The following ATG2B variants were observed in gnomAD, a reference collection of about 807,000 sequenced individuals.
The protein encoded by ATG2B is autophagy related 2B.
Under a neutral mutation model 241.3 loss-of-function variants are expected in ATG2B, and 121 were observed. The observed-to-expected ratio is 0.50, with a 90% CI of 0.43 to 0.58. The LOEUF (loss-of-function observed/expected upper bound fraction) is 0.58. Among genes scored for constraint, ATG2B ranks in the 20% least tolerant of loss-of-function variants. ATG2B has a pLI of 0.00. For synonymous variants in ATG2B, 858 were observed against 876.6 expected (o/e 0.98, Z 0.37); for missense variants, 2,306 against 2,491.6 (o/e 0.93, Z 1.59).
chr14:96,306,534 T>C (rs567266196), intron 30 of ATG2B, among the ~76,000 whole-genome samples, 180 bp downstream of exon 30: 162 of 151,880 alleles, frequency 1.1e-3, no homozygotes, highest in African/African-American at 3.7e-3. Context: ...TCTGAGTCTT[T>C]AGATGTGTCA....
At chr14:96,292,157 G>A in intron 36 of ATG2B, 59 bp from the exon 37 acceptor site, 3 of 1,063,642 alleles carry the variant, frequency 2.8e-6, no homozygotes, top group South Asian at 3.0e-5. Context: ...GGTGAAATTA[G>A]ATATAAATTA....
intron 33 of ATG2B, among the ~76,000 whole-genome samples, chr14:96,302,652 AAC>A (rs1389929231): frequency 6.6e-6 from 1 of 152,192 alleles, no homozygotes; most frequent in Non-Finnish European, 1.5e-5. Flanking sequence ...TGTACTTAGT[AAC>A]AGTTTACTGA....
In ATG2B at chr14:96,344,769, AGTAATTGTCAACGTAAGAGAC is replaced by A; in HGVS notation, c.479-34_479-14del. 6 of 1,332,048 alleles carry A rather than the reference AGTAATTGTCAACGTAAGAGAC, an allele frequency of 4.5e-6. No homozygotes were observed. The highest frequency in any genetic ancestry group is 6.3e-6 in the Non-Finnish European group (6 of 955,572). The allele number at this position is 1,332,048 out of a possible 1,614,324, so 82.5% of individuals were successfully genotyped here. ...ACTCTTCTTAGTACTAAAGTAAACA[AGTAATTGTCAACGTAAGAGAC>A]CACATATATGCTAAATAAAAACCTC... On this transcript the variant is annotated splice_polypyrimidine_tract_variant and intron_variant, in intron 3 of 41. Transcript: ENST00000359933.
At chr14:96,295,694 C>T (rs894561527) in intron 34 of ATG2B, 134 bp from the exon 35 acceptor site, 8 of 513,874 alleles carry the variant, frequency 1.6e-5, no homozygotes, top group African/African-American at 1.0e-4. Context: ...AATTCTTTCT[C>T]CATGCTAGTC....
intron 1 of ATG2B, among the ~76,000 whole-genome samples, chr14:96,351,149 A>G (rs1888307742): frequency 6.6e-6 from 1 of 152,212 alleles, no homozygotes; most frequent in Non-Finnish European, 1.5e-5. Flanking sequence ...TAACATCAGT[A>G]TTTCTCAAGC....
rs143085538 is a variant in ATG2B, at chr14:96,323,766, C to T, written c.2540+130G>A. On this transcript the variant is annotated intron_variant, in intron 16 of 41. Coordinates refer to ENST00000359933, the MANE Select transcript of ATG2B (RefSeq NM_018036.7). Reference sequence around the variant, plus strand: ...CATTCATGTGAACACCCAATCATCACGCTTATGAACCACAAAAGAATCAAG... The same window carrying T: ...CATTCATGTGAACACCCAATCATCATGCTTATGAACCACAAAAGAATCAAG... The T allele has an allele frequency of 8.0e-5, 56 of 697,092 alleles. 1 individual carries two copies. The East Asian group carries it at 1.2e-3, about 15-fold the overall frequency. 43.2% of individuals were successfully genotyped at this position (697,092 alleles called of 1,614,324 possible). A position where few individuals can be genotyped will look rare whatever the true frequency, so the allele number is the denominator to read the frequency against.
At chr14:96,326,215 C>T (rs559557763) in intron 14 of ATG2B, among the ~76,000 whole-genome samples, 2 of 152,260 alleles carry the variant, frequency 1.3e-5, no homozygotes, top group African/African-American at 4.8e-5. Flanking sequence ...ATTTATCTTA[C>T]TATAAATTTA....
intron 1 of ATG2B, among the ~76,000 whole-genome samples, chr14:96,357,307 CT>C (rs891377546): frequency 1.3e-5 from 2 of 152,092 alleles, no homozygotes; most frequent in African/African-American, 4.8e-5. Context: ...CATCTTCGGC[CT>C]TTTTTGTTTC....
At chr14:96,329,678 G>T (rs777343100) in intron 11 of ATG2B, 44 bp from the exon 12 acceptor site, 1 of 1,320,568 alleles carries the variant, frequency 7.6e-7, no homozygotes, top group African/African-American at 1.5e-5. Context: ...GTGTTAAAAT[G>T]TAACAATTAT....
intron 18 of ATG2B, among the ~76,000 whole-genome samples, chr14:96,321,307 A>G (rs1193113462): frequency 2.0e-5 from 3 of 152,228 alleles, no homozygotes; most frequent in Non-Finnish European, 2.9e-5. Flanking sequence ...GTCTACATGT[A>G]GGAAGCTAGT....
chr14:96,356,596 A>G (rs955479602), intron 1 of ATG2B, among the ~76,000 whole-genome samples: 5 of 152,114 alleles, frequency 3.3e-5, no homozygotes, highest in African/African-American at 1.2e-4. Context: ...CAAGGATCAC[A>G]TGTATCAGAA....
intron 6 of ATG2B, among the ~76,000 whole-genome samples, chr14:96,340,110 GATATATATGAATATATATATCATATA>G (rs1887980594): frequency 4.5e-5 from 1 of 22,232 alleles, no homozygotes; most frequent in Non-Finnish European, 8.3e-5. Flanking sequence ...TAGAATATAT[GATATATATGAATATATATATCATATA>G]TGATATATAT....
At chr14:96,330,946 A>AC (rs1403550311) in intron 11 of ATG2B, among the ~76,000 whole-genome samples, 1 of 152,106 alleles carries the variant, frequency 6.6e-6, no homozygotes, top group African/African-American at 2.4e-5. Flanking sequence ...AATGTTTCCC[A>AC]CCCCATGGCC....
At chr14:96,337,665 G>A (rs1204095968) in intron 6 of ATG2B, among the ~76,000 whole-genome samples, 1 of 152,154 alleles carries the variant, frequency 6.6e-6, no homozygotes, top group African/African-American at 2.4e-5. Context: ...GTACCATACT[G>A]TTTTGCTAAC....
At chr14:96,350,292 T>C (rs1181056198) in intron 1 of ATG2B, among the ~76,000 whole-genome samples, 1 of 151,724 alleles carries the variant, frequency 6.6e-6, no homozygotes, top group Non-Finnish European at 1.5e-5. Flanking sequence ...AAGAAAAGGG[T>C]TATGAAAGAG....
At chr14:96,361,641 C>T (rs1360568609) in intron 1 of ATG2B, among the ~76,000 whole-genome samples, 2 of 152,060 alleles carry the variant, frequency 1.3e-5, no homozygotes, top group African/African-American at 2.4e-5. Flanking sequence ...AGTGTGTGCT[C>T]CATTAGTGTT....
Position 96,289,728 on chromosome 14 carries a change from A to C in ATG2B, c.5934T>G (p.Pro1978=). The C allele has an allele frequency of 6.2e-7, 1 of 1,614,190 alleles. No individual in the cohort carries two copies. The highest frequency in any genetic ancestry group is 8.5e-7 in the Non-Finnish European group (1 of 1,180,022). ...SIEPKKTKRF[P]HHRLAHQPVD... ...CTGGCTGGTGGGCTAACCGGTGATG[A>C]GGAAACCTTTTGGTCTTCTTGGGCT... The change falls in exon 41 of 42, where the codon CCT becomes CCG. Residue 1978 remains proline (P), a synonymous_variant. Coordinates refer to ENST00000359933, the MANE Select transcript of ATG2B (RefSeq NM_018036.7). This position sits in a 1 kb window ranked among gnomAD's most constrained non-coding sequence, Gnocchi z 4.3.
Position 96,305,789 on chromosome 14 carries a change from T to G in ATG2B, c.4533A>C (p.Lys1511Asn). 1 of 1,614,176 alleles carries G rather than the reference T, an allele frequency of 6.2e-7. No individual in the cohort carries two copies. Among genetic ancestry groups the G allele is most frequent in the Non-Finnish European group, 8.5e-7 (1 of 1,180,008 alleles). ...TCACAATTGCATCATCAACCATGAT[T>G]TTTATAACTGGTTCTTCTTCCTTCT... ...MQEKEEEPVI[K>N]IMVDDAIVIR... is the part of the protein sequence containing the mutation. Residue 1511 changes from lysine (K) to asparagine (N), a missense_variant, in exon 31 of 42, where the codon AAA becomes AAC. Physicochemically the swap from Lys to Asn is moderately conservative, Grantham distance 94. This residue lies in a region of ATG2B where 1,927 missense variants were observed against 2,011.2 expected (regional missense o/e 0.96). Transcript: ENST00000359933.
At chr14:96,317,928 T>G in intron 18 of ATG2B, 73 bp from the exon 19 acceptor site, 1 of 1,150,998 alleles carries the variant, frequency 8.7e-7, no homozygotes, top group Non-Finnish European at 1.2e-6. Context: ...AAAAAAATCC[T>G]TTTAAAAGAT....
Sources: gnomAD v4.1 joint callset for allele counts (sites outside exome capture counted in the v4.1 genomes callset) on GRCh38, gnomAD v4.1.1 for gene constraint, gnomAD v4.1.1 regional missense constraint, Gnocchi (gnomAD v3.1) non-coding constraint, MANE v1.5 for transcripts, NCBI Gene and HGNC (gene_info 2026-07-23, HGNC 2026-07-21) for gene names.